Variants in STX8 observed in about 807,000 individuals in gnomAD.
STX8 encodes the protein syntaxin-8.
Under a neutral mutation model 37.5 loss-of-function variants are expected in STX8, and 23 were observed. The observed-to-expected ratio is 0.61, with a 90% CI of 0.44 to 0.87. STX8 has a LOEUF of 0.87. STX8 is among the 40% of genes least tolerant of loss of function. STX8 has a pLI of 0.00. For missense variants in STX8, 313 were observed against 284.7 expected, an observed-to-expected ratio of 1.10 and a Z score of -0.71; for synonymous variants, 115 against 99.1, an observed-to-expected ratio of 1.16 and a Z score of -0.95.
At position 9,375,084 on chromosome 17, in the gene STX8, A is replaced by AG. The variant is rs1305716551; in HGVS notation, c.643+3467_643+3468insC. Reference sequence around the variant, plus strand: ...GTCTCAAAAAAAAAAAAAAAAAAAAAAAGAAGAATTTTCTTTTTTCAGTAT... The same window carrying AG: ...GTCTCAAAAAAAAAAAAAAAAAAAAAGAAGAAGAATTTTCTTTTTTCAGTAT... On this transcript the variant is annotated intron_variant, in intron 7 of 7. Transcript: ENST00000306357. Among the ~76,000 whole-genome samples, 774 of 149,106 alleles carry AG rather than the reference A, an allele frequency of 5.2e-3. 8 individuals carry two copies. Among genetic ancestry groups the AG allele is most frequent in the African/African-American group, 0.019 (738 of 39,238 alleles).
intron 7 of STX8, among the ~76,000 whole-genome samples, chr17:9,351,830 T>A (rs144580686): frequency 0.018 from 2,751 of 152,238 alleles, 31 homozygotes; most frequent in Non-Finnish European, 0.031. Flanking sequence ...TTGGCATAAA[T>A]ACAGTAGGTG....
At chr17:9,568,153 A>G (rs1261120237) in intron 2 of STX8, among the ~76,000 whole-genome samples, 1 of 152,200 alleles carries the variant, frequency 6.6e-6, no homozygotes, top group Non-Finnish European at 1.5e-5. Context: ...TGTTAGAAAT[A>G]TTTAAAGTAA....
At chr17:9,390,547 G>T (rs1040035526) in intron 6 of STX8, among the ~76,000 whole-genome samples, 19 of 147,210 alleles carry the variant, frequency 1.3e-4, no homozygotes, top group Non-Finnish European at 1.6e-4. Context: ...TGTAACACAG[G>T]GTCGGTGCGG....
At chr17:9,285,663 G>C (rs1365009010) in intron 7 of STX8, among the ~76,000 whole-genome samples, 1 of 152,152 alleles carries the variant, frequency 6.6e-6, no homozygotes, top group Non-Finnish European at 1.5e-5. Flanking sequence ...GATCACCCTG[G>C]TTAAATAAAT....
intron 7 of STX8, among the ~76,000 whole-genome samples, chr17:9,283,945 C>T (rs1241617836): frequency 4.6e-5 from 7 of 152,108 alleles, no homozygotes; most frequent in Non-Finnish European, 7.4e-5. Context: ...TGTATTTCCT[C>T]GGGAGAGGAA....
At chr17:9,567,162 C>T (rs1057396040) in intron 2 of STX8, among the ~76,000 whole-genome samples, 6 of 152,040 alleles carry the variant, frequency 3.9e-5, no homozygotes, top group African/African-American at 1.4e-4. Context: ...AGGGAGGAAG[C>T]TGGAAGGAGG....
In STX8 at chr17:9,342,097, G is replaced by C. The variant is rs561799198; in HGVS notation, c.643+36455C>G. On this transcript the variant is annotated intron_variant, in intron 7 of 7. Transcript: ENST00000306357. ...TTCGGGATGAAACTGTTTCATCTCA[G>C]ATCATCGGGCATTAGAGTCTCATAA... Among the ~76,000 whole-genome samples the C allele has an allele frequency of 2.6e-5, 4 of 152,276 alleles. No individual in the cohort carries two copies. In the South Asian group the frequency reaches 8.3e-4, roughly 32 times the overall value.
Position 9,321,109 on chromosome 17 carries a change from A to ATTAC in STX8, c.643+57442_643+57443insGTAA, listed in dbSNP as rs35800215. Among the ~76,000 whole-genome samples the ATTAC allele has an allele frequency of 4.3e-3, 651 of 152,312 alleles. 7 individuals are homozygous for ATTAC. The highest frequency in any genetic ancestry group is 0.015 in the African/African-American group (609 of 41,560). On this transcript the variant is annotated intron_variant, in intron 7 of 7. Coordinates refer to ENST00000306357, the MANE Select transcript of STX8 (RefSeq NM_004853.3). ...GAAAAGGAAATAGAGCTTTAAGTGTATTAAAGTTACAATAGCAATACACAG... is the reference window on the plus strand; with the variant it reads ...GAAAAGGAAATAGAGCTTTAAGTGTATTACTTAAAGTTACAATAGCAATACACAG...
At chr17:9,329,876 G>A (rs1219695924) in intron 7 of STX8, among the ~76,000 whole-genome samples, 1 of 152,100 alleles carries the variant, frequency 6.6e-6, no homozygotes, top group South Asian at 2.1e-4. Flanking sequence ...TCCTGTAAGG[G>A]CAATAGGGTG....
intron 4 of STX8, among the ~76,000 whole-genome samples, chr17:9,508,307 G>A (rs1236846745): frequency 6.6e-6 from 1 of 152,038 alleles, no homozygotes; most frequent in Non-Finnish European, 1.5e-5. Context: ...TTTACCAAAA[G>A]ACTAGACCAA....
chr17:9,568,988 C>T (rs1054838245), intron 1 of STX8, among the ~76,000 whole-genome samples: 20 of 152,260 alleles, frequency 1.3e-4, no homozygotes, highest in African/African-American at 4.1e-4. Context: ...AAAACAGGAA[C>T]GCTATGAAGT....
intron 7 of STX8, among the ~76,000 whole-genome samples, chr17:9,317,553 C>T (rs1280095139): frequency 2.0e-5 from 3 of 152,222 alleles, no homozygotes; most frequent in South Asian, 2.1e-4. Context: ...ATCACAAGGG[C>T]AGGAGATCGA....
chr17:9,441,217 C>A (rs1303308436), intron 6 of STX8, among the ~76,000 whole-genome samples: 1 of 152,034 alleles, frequency 6.6e-6, no homozygotes, highest in Non-Finnish European at 1.5e-5. Flanking sequence ...TACGGCTGGG[C>A]ACGGTGGCTC....
intron 3 of STX8, 51 bp from the exon 4 acceptor site, chr17:9,545,333 C>T (rs1906460806): frequency 1.5e-6 from 2 of 1,326,750 alleles, no homozygotes; most frequent in African/African-American, 1.5e-5. Flanking sequence ...CTCGTTTTAA[C>T]TATTACATTA....
At chr17:9,499,634 G>C (rs1299554679) in intron 5 of STX8, among the ~76,000 whole-genome samples, 4 of 152,180 alleles carry the variant, frequency 2.6e-5, no homozygotes, top group South Asian at 4.1e-4. Context: ...TCTTGACCTT[G>C]TGATGTGCTT....
intron 6 of STX8, among the ~76,000 whole-genome samples, chr17:9,470,417 C>G (rs1406676666): frequency 2.6e-5 from 4 of 152,232 alleles, no homozygotes; most frequent in Non-Finnish European, 4.4e-5. Context: ...CAGTCCTTTT[C>G]ACCACCCCAT....
At chr17:9,475,855 C>T (rs924589146) in intron 6 of STX8, among the ~76,000 whole-genome samples, 2 of 152,178 alleles carry the variant, frequency 1.3e-5, no homozygotes, top group Admixed American at 6.5e-5. Context: ...GCCTGTCTTC[C>T]CACTCAAGAA....
intron 6 of STX8, among the ~76,000 whole-genome samples, chr17:9,485,891 G>A (rs1056598525): frequency 5.9e-5 from 9 of 152,026 alleles, no homozygotes; most frequent in East Asian, 1.9e-4. Context: ...CGGACAATCC[G>A]GGAGTTCTAA....
chr17:9,451,293 C>T (rs1257594111), intron 6 of STX8, among the ~76,000 whole-genome samples: 3 of 152,190 alleles, frequency 2.0e-5, no homozygotes, highest in South Asian at 2.1e-4. Flanking sequence ...TAAGTCAATG[C>T]CATTTCGTCT....
Sources: allele counts gnomAD v4.1 joint callset (sites outside exome capture counted in the v4.1 genomes callset), GRCh38; gene constraint gnomAD v4.1.1; transcripts MANE v1.5; gene names NCBI Gene and HGNC (gene_info 2026-07-23, HGNC 2026-07-21).